NKAIN3: variants seen among roughly 807,000 people sequenced by gnomAD.
The protein encoded by NKAIN3 is sodium/potassium-transporting ATPase subunit beta-1-interacting protein 3.
NKAIN3 carries 25 observed loss-of-function variants against 30.2 expected under a neutral mutation model. The ratio of observed to expected loss-of-function variants is 0.83; its 90% confidence interval spans 0.60 to 1.16. NKAIN3 has a LOEUF of 1.16. Ranked by LOEUF, NKAIN3 falls within the 50% of genes most tolerant of loss-of-function variation. The probability of loss-of-function intolerance (pLI) is 0.00; values close to 1 mark genes in which losing one functional copy is unlikely to be tolerated. For missense variants in NKAIN3, 225 were observed against 254.1 expected, an observed-to-expected ratio of 0.89 and a Z score of 0.78; for synonymous variants, 91 against 89.6, an observed-to-expected ratio of 1.02 and a Z score of -0.09.
At chr8:62,518,261 G>A (rs1808054230) in intron 1 of NKAIN3, among the ~76,000 whole-genome samples, 1 of 152,160 alleles carries the variant, frequency 6.6e-6, no homozygotes, top group African/African-American at 2.4e-5. Context: ...TTGGGAGGCT[G>A]AGGCACGAGA....
chr8:62,632,997 G>T (rs576198968), intron 3 of NKAIN3, among the ~76,000 whole-genome samples: 1 of 152,242 alleles, frequency 6.6e-6, no homozygotes, highest in South Asian at 2.1e-4. Context: ...GGCTGCAGAG[G>T]CACAGCAGGG....
At chr8:62,324,898 TA>T (rs1193119638) in intron 1 of NKAIN3, among the ~76,000 whole-genome samples, 6 of 151,332 alleles carry the variant, frequency 4.0e-5, no homozygotes, top group Non-Finnish European at 7.4e-5. Context: ...TTTGTGTTTT[TA>T]CTACTTAGAA....
chr8:62,400,303 C>G (rs1817896691), intron 1 of NKAIN3, among the ~76,000 whole-genome samples: 1 of 151,620 alleles, frequency 6.6e-6, no homozygotes, highest in Admixed American at 6.6e-5. Context: ...CCCCCAGTAG[C>G]TGGGATTACA....
chr8:62,888,956 A>C (rs988944781), intron 4 of NKAIN3, among the ~76,000 whole-genome samples: 2 of 152,250 alleles, frequency 1.3e-5, no homozygotes, highest in Non-Finnish European at 1.5e-5. Context: ...GAGGTTCCAA[A>C]GAATTATTTT....
chr8:62,918,316 A>G (rs1182904453), intron 4 of NKAIN3, 137 bp from the exon 5 acceptor site: 3 of 683,740 alleles, frequency 4.4e-6, no homozygotes, highest in Non-Finnish European at 7.8e-6. Flanking sequence ...AATCACAGCT[A>G]TCATTTTAAA....
At chr8:62,400,159 T>C (rs927079547) in intron 1 of NKAIN3, among the ~76,000 whole-genome samples, 53 of 149,166 alleles carry the variant, frequency 3.6e-4, no homozygotes, top group Middle Eastern at 3.2e-3. Flanking sequence ...AGATGCTATA[T>C]TTTCTTTTTT....
chr8:62,681,666 A>C (rs924773230), intron 3 of NKAIN3, among the ~76,000 whole-genome samples: 4 of 152,216 alleles, frequency 2.6e-5, no homozygotes, highest in African/African-American at 9.6e-5. Flanking sequence ...TTAATAAATA[A>C]GTTTATGTAT....
chr8:62,935,503 G>A (rs779768665), intron 5 of NKAIN3, among the ~76,000 whole-genome samples: 8 of 151,920 alleles, frequency 5.3e-5, no homozygotes, highest in South Asian at 2.1e-4. Context: ...CTCACATAGC[G>A]TGTAAGAACT....
chr8:62,252,596 T>C (rs1306098370), intron 1 of NKAIN3, among the ~76,000 whole-genome samples: 1 of 119,814 alleles, frequency 8.3e-6, no homozygotes, highest in Non-Finnish European at 1.9e-5. Flanking sequence ...GGTTTTCATT[T>C]GTGATCCTCC....
intron 1 of NKAIN3, among the ~76,000 whole-genome samples, chr8:62,398,951 C>T (rs1198765074): frequency 1.3e-5 from 2 of 152,134 alleles, no homozygotes; most frequent in East Asian, 1.9e-4. Flanking sequence ...ATTAGCTGGG[C>T]GTGGTGGCAC....
chr8:62,589,111 T>C (rs1810572920), intron 2 of NKAIN3, among the ~76,000 whole-genome samples: 1 of 151,912 alleles, frequency 6.6e-6, no homozygotes, highest in South Asian at 2.1e-4. Flanking sequence ...GATTGGAAGA[T>C]ATGAAAATCT....
At chr8:62,855,403 C>G in intron 4 of NKAIN3, 1 of 887,890 alleles carries the variant, frequency 1.1e-6, no homozygotes, top group South Asian at 1.4e-5. Context: ...CCAGCATGCC[C>G]TTGCTGATAT....
At chr8:62,743,439 A>G (rs1303507565) in intron 3 of NKAIN3, among the ~76,000 whole-genome samples, 10 of 152,224 alleles carry the variant, frequency 6.6e-5, no homozygotes, top group Non-Finnish European at 1.5e-5. Flanking sequence ...AACAAAAGAG[A>G]GGTTAACAAG....
At chr8:62,533,255 C>T (rs1444370787) in intron 1 of NKAIN3, among the ~76,000 whole-genome samples, 10 of 152,012 alleles carry the variant, frequency 6.6e-5, no homozygotes, top group Non-Finnish European at 5.9e-5. Context: ...ATGAGTATCT[C>T]GAGGGGACAC....
chr8:62,988,238 TG>T (rs1199589083), downstream of NKAIN3, among the ~76,000 whole-genome samples: 3 of 152,148 alleles, frequency 2.0e-5, no homozygotes, highest in Non-Finnish European at 4.4e-5. Context: ...AGATGCACAG[TG>T]CAATCTGTCA....
intron 3 of NKAIN3, among the ~76,000 whole-genome samples, chr8:62,651,277 A>C (rs997750588): frequency 2.0e-5 from 3 of 152,196 alleles, no homozygotes; most frequent in Non-Finnish European, 4.4e-5. Context: ...TTTGCATGAT[A>C]AAAAGGTGCC....
At position 62,336,268 on chromosome 8, in the gene NKAIN3, A is replaced by G. The variant is rs562404852; in HGVS notation, c.54+87141A>G. Among the ~76,000 whole-genome samples, 4 of 152,014 alleles carry G rather than the reference A, an allele frequency of 2.6e-5. 1 individual carries two copies. The South Asian group carries it at 6.2e-4, about 24-fold the overall frequency. On this transcript the variant is annotated intron_variant, in intron 1 of 6. Coordinates refer to ENST00000623646, the MANE Select transcript of NKAIN3 (RefSeq NM_001304533.3). ...TTTCTTCTTTGGCTTATCCCTTTCC[A>G]TGTTTTACCATAGGCAGCTAGGAAC...
At chr8:62,777,452 T>C (rs1423674730) in intron 4 of NKAIN3, among the ~76,000 whole-genome samples, 1 of 152,172 alleles carries the variant, frequency 6.6e-6, no homozygotes, top group Non-Finnish European at 1.5e-5. Flanking sequence ...ACTAATTCTT[T>C]CTTCTGCTTT....
rs879203869 is a variant in NKAIN3 at position 62,641,321 on chromosome 8, C to T, written c.273+51527C>T. On this transcript the variant is annotated intron_variant, in intron 3 of 6. Transcript: ENST00000623646. ...ATTTTTGTTCATAAATAAAGACACA[C>T]TCTATTGCTGTGTGTCTTGCTGGAC... Among the ~76,000 whole-genome samples, 6 of 152,254 alleles carry T rather than the reference C, an allele frequency of 3.9e-5. No homozygotes were observed. In the South Asian group the frequency reaches 8.3e-4, roughly 21 times the overall value.
Sources: allele counts gnomAD v4.1 joint callset (sites outside exome capture counted in the v4.1 genomes callset), GRCh38; gene constraint gnomAD v4.1.1; transcripts MANE v1.5; gene names NCBI Gene and HGNC (gene_info 2026-07-23, HGNC 2026-07-21).